POPDC1: variants seen among roughly 807,000 people sequenced by gnomAD.
POPDC1 encodes popeye domain cAMP effector 1.
the POPDC1 span, among the ~76,000 whole-genome samples, chr6:105,134,927 G>T: frequency 6.6e-6 from 1 of 152,092 alleles, no homozygotes; most frequent in African/African-American, 2.4e-5. Flanking sequence ...GGATGGCGGG[G>T]GGGAAGATCA....
the POPDC1 span, among the ~76,000 whole-genome samples, chr6:105,121,939 G>T: frequency 1.3e-5 from 2 of 152,202 alleles, no homozygotes; most frequent in African/African-American, 4.8e-5. Flanking sequence ...GATGAGCTTA[G>T]CAGGTAAAAA....
chr6:105,136,427 G>C, the POPDC1 span: 1 of 152,272 alleles, frequency 6.6e-6, no homozygotes, highest in Admixed American at 6.5e-5. Flanking sequence ...CTCGGGACGC[G>C]GGGGTGAGGA....
the POPDC1 span, among the ~76,000 whole-genome samples, chr6:105,106,918 C>T: frequency 6.6e-6 from 1 of 152,254 alleles, no homozygotes; most frequent in Admixed American, 6.5e-5. Context: ...AATAGGCTAT[C>T]CATCACCTCA....
At chr6:105,111,922 C>T in the POPDC1 span, among the ~76,000 whole-genome samples, 5 of 152,128 alleles carry the variant, frequency 3.3e-5, no homozygotes, top group African/African-American at 1.2e-4. Flanking sequence ...AGTGCCTTTA[C>T]CAGAATTTAT....
chr6:105,124,469 GT>G, the POPDC1 span: 1 of 947,696 alleles, frequency 1.1e-6, no homozygotes, highest in African/African-American at 1.6e-5. Context: ...TCATAGCAGT[GT>G]TTCTATTAAT....
the POPDC1 span, among the ~76,000 whole-genome samples, chr6:105,107,261 C>T: frequency 1.3e-5 from 2 of 152,144 alleles, no homozygotes; most frequent in African/African-American, 4.8e-5. Context: ...GAGAGGAGGC[C>T]TTTTCATACA....
chr6:105,129,811 C>T, the POPDC1 span, among the ~76,000 whole-genome samples: 117,613 of 152,114 alleles, frequency 0.77, 47,698 homozygotes, highest in Non-Finnish European at 0.88. Flanking sequence ...AAGATTTCAT[C>T]GCACTATTCA....
the POPDC1 span, chr6:105,129,515 CA>C: frequency 1.9e-6 from 3 of 1,601,668 alleles, no homozygotes; most frequent in Non-Finnish European, 2.6e-6. Context: ...TGTTGAAGAG[CA>C]AAGTTAACAC....
chr6:105,136,300 T>C, the POPDC1 span: 3 of 152,102 alleles, frequency 2.0e-5, no homozygotes, highest in African/African-American at 7.2e-5. Flanking sequence ...GGGAAGGAGG[T>C]TGCGGGTGGG....
chr6:105,101,525 C>A, the POPDC1 span, among the ~76,000 whole-genome samples: 1 of 152,192 alleles, frequency 6.6e-6, no homozygotes, highest in African/African-American at 2.4e-5. Context: ...GGACTCAGAA[C>A]GCATGTTCCT....
At chr6:105,118,127 A>G in the POPDC1 span, among the ~76,000 whole-genome samples, 1 of 152,232 alleles carries the variant, frequency 6.6e-6, no homozygotes, top group African/African-American at 2.4e-5. Flanking sequence ...ACCAATGTCC[A>G]TTAAACTGAC....
At chr6:105,107,314 C>CA in the POPDC1 span, among the ~76,000 whole-genome samples, 1 of 152,180 alleles carries the variant, frequency 6.6e-6, no homozygotes, top group East Asian at 1.9e-4. Flanking sequence ...AAATCTCTGG[C>CA]ATACAGGGTA....
At chr6:105,133,809 C>T in the POPDC1 span, among the ~76,000 whole-genome samples, 3 of 152,104 alleles carry the variant, frequency 2.0e-5, no homozygotes, top group Admixed American at 2.0e-4. Context: ...GCCTTATGAT[C>T]AAATGAAATG....
the POPDC1 span, among the ~76,000 whole-genome samples, chr6:105,120,978 T>G: frequency 6.6e-6 from 1 of 152,194 alleles, no homozygotes; most frequent in African/African-American, 2.4e-5. Flanking sequence ...GTTTCACAGC[T>G]CCACCAAAAT....
At chr6:105,122,111 T>A in the POPDC1 span, among the ~76,000 whole-genome samples, 1 of 152,226 alleles carries the variant, frequency 6.6e-6, no homozygotes, top group African/African-American at 2.4e-5. Context: ...AACAGCTATT[T>A]ATTACTCTTG....
the POPDC1 span, chr6:105,133,462 T>G: frequency 2.2e-5 from 36 of 1,613,916 alleles, no homozygotes; most frequent in South Asian, 1.8e-4. Context: ...ATGATGTATC[T>G]CTCTCCAGTT....
chr6:105,099,832 G>C, the POPDC1 span: 1 of 152,188 alleles, frequency 6.6e-6, no homozygotes, highest in African/African-American at 2.4e-5. Flanking sequence ...ACAGATCAAA[G>C]AATGAAGCAG....
chr6:105,116,778 C>T, the POPDC1 span: 2 of 1,612,508 alleles, frequency 1.2e-6, no homozygotes, highest in African/African-American at 2.7e-5. Context: ...CTAAAGATTT[C>T]ATACAAGAAA....
At chr6:105,103,442 C>T in the POPDC1 span, among the ~76,000 whole-genome samples, 1 of 151,774 alleles carries the variant, frequency 6.6e-6, no homozygotes, top group Non-Finnish European at 1.5e-5. Context: ...TCAATCTTAG[C>T]TCTCTTGAGT....
Sources: allele counts gnomAD v4.1 joint callset (sites outside exome capture counted in the v4.1 genomes callset), GRCh38; gene constraint gnomAD v4.1.1; transcripts MANE v1.5; gene names NCBI Gene and HGNC (gene_info 2026-07-23, HGNC 2026-07-21).